Variants in CACNA1C observed in about 807,000 individuals in gnomAD.
CACNA1C encodes the protein calcium voltage-gated channel subunit alpha1 C.
In CACNA1C, 30 loss-of-function variants were observed where a neutral mutation model predicts 229.0. That is an observed-to-expected ratio of 0.13 (90% CI 0.10 to 0.18). The LOEUF (loss-of-function observed/expected upper bound fraction) is 0.18. Ranked by LOEUF, CACNA1C falls within the 10% of genes least tolerant of loss-of-function variation. The pLI is 1.00. For missense variants in CACNA1C, 1,658 were observed against 2,845.0 expected, an observed-to-expected ratio of 0.58 and a Z score of 9.49; for synonymous variants, 1,114 against 1,132.5, an observed-to-expected ratio of 0.98 and a Z score of 0.33.
chr12:2,654,021 C>G lies in CACNA1C; in HGVS notation c.4140+121C>G. 1.3e-6 allele frequency: 1 copy of G among 770,792 alleles called. No homozygotes were observed. 47.7% of individuals were successfully genotyped at this position (770,792 alleles called of 1,614,324 possible). A position where few individuals can be genotyped will look rare whatever the true frequency, so the allele number is the denominator to read the frequency against. On this transcript the variant is annotated intron_variant, in intron 33 of 46. Coordinates refer to ENST00000399655, the MANE Select transcript of CACNA1C (RefSeq NM_000719.7). This position sits in a 1 kb window ranked among gnomAD's most constrained non-coding sequence, Gnocchi z 4.4. ...CCCTTTCATTCCTGACTGTCCCTCT[C>G]CCTCCTCTTCCATTTTCTGAGGCCC... is the stretch of plus-strand genomic sequence containing the variant.
Position 2,079,637 on chromosome 12 carries a change from A to G in CACNA1C, c.49+26026A>G, listed in dbSNP as rs563226700. 2.0e-5 allele frequency among the ~76,000 whole-genome samples: 3 copies of G among 152,270 alleles called. No homozygotes were observed. In the South Asian group the frequency reaches 6.2e-4, roughly 32 times the overall value. On this transcript the variant is annotated intron_variant, in intron 1 of 46. Coordinates refer to ENST00000399655, the MANE Select transcript of CACNA1C (RefSeq NM_000719.7). ...GGGAGTCCAGTGCTTCAACATATAA[A>G]TTTTGGGGAGACACAAACATTTAGT...
At chr12:2,593,110 A>G in intron 18 of CACNA1C, 103 bp from the exon 19 acceptor site, 1 of 1,328,972 alleles carries the variant, frequency 7.5e-7, no homozygotes, top group Non-Finnish European at 1.0e-6. Context: ...GGTACCCTAC[A>G]TTTTCAGAGC....
At chr12:1,982,181 T>G (rs1374367557) in intron 1 of CACNA1C, among the ~76,000 whole-genome samples, 1 of 152,230 alleles carries the variant, frequency 6.6e-6, no homozygotes, top group Non-Finnish European at 1.5e-5. Flanking sequence ...TATGAATTGC[T>G]GGATTCAATT....
chr12:2,101,214 C>T (rs2076297304), intron 1 of CACNA1C, among the ~76,000 whole-genome samples: 1 of 152,118 alleles, frequency 6.6e-6, no homozygotes, highest in South Asian at 2.1e-4. Context: ...TCTAGGTTGT[C>T]TTCAATTTGG....
rs2048778569 is a variant in CACNA1C, at chr12:2,034,615, T to C, written c.139+63414T>C. On this transcript the variant is annotated intron_variant, in intron 1 of 46. Transcript: ENST00000682462. The surrounding 1 kb of genome is among the most constrained non-coding windows in gnomAD (Gnocchi z 4.1). ...GCACACAGCTCAAAGAGAAGGCCAG[T>C]GTAATATGCTGGTTCAATATCCGAC... 6.6e-6 allele frequency among the ~76,000 whole-genome samples: 1 copy of C among 152,152 alleles called. No individual in the cohort carries two copies. Among genetic ancestry groups the C allele is most frequent in the Non-Finnish European group, 1.5e-5 (1 of 68,028 alleles).
intron 29 of CACNA1C, among the ~76,000 whole-genome samples, chr12:2,615,485 T>C (rs1171872133): frequency 2.0e-5 from 3 of 152,204 alleles, no homozygotes; most frequent in African/African-American, 7.2e-5. Context: ...ATTGGAAAGC[T>C]CAATATTATT....
intron 5 of CACNA1C, among the ~76,000 whole-genome samples, chr12:2,463,589 A>G (rs1000463738): frequency 6.6e-6 from 1 of 152,224 alleles, no homozygotes; most frequent in African/African-American, 2.4e-5. Flanking sequence ...GAGAATCAGG[A>G]GAGCCTTCTT....
chr12:2,572,938 CCTCCTT>C (rs1238572145), intron 13 of CACNA1C, among the ~76,000 whole-genome samples: 10 of 118,184 alleles, frequency 8.5e-5, no homozygotes, highest in African/African-American at 1.3e-4. Context: ...CTCCTCTCCT[CCTCCTT>C]CTCCTCTTCC....
intron 3 of CACNA1C, among the ~76,000 whole-genome samples, chr12:2,415,633 C>T (rs1190209216): frequency 6.6e-6 from 1 of 152,142 alleles, no homozygotes; most frequent in African/African-American, 2.4e-5. Context: ...CAAGCAGAGG[C>T]CCTGGGGAGG....
intron 3 of CACNA1C, among the ~76,000 whole-genome samples, chr12:2,380,370 G>A (rs931315910): frequency 1.3e-5 from 2 of 152,166 alleles, no homozygotes; most frequent in Admixed American, 6.5e-5. Context: ...TGCAATTGAG[G>A]TGACTAAAAA....
intron 4 of CACNA1C, among the ~76,000 whole-genome samples, chr12:2,449,814 A>G (rs1420301785): frequency 6.6e-6 from 1 of 152,184 alleles, no homozygotes. Flanking sequence ...TCCCTGCTGT[A>G]TCACTGAGCA....
intron 3 of CACNA1C, among the ~76,000 whole-genome samples, chr12:2,413,517 G>GTCA (rs2098831709): frequency 2.6e-5 from 4 of 150,984 alleles, no homozygotes; most frequent in Non-Finnish European, 5.9e-5. Context: ...GACCAGACAT[G>GTCA]TGTCAACAGA....
intron 3 of CACNA1C, among the ~76,000 whole-genome samples, chr12:2,269,525 G>A (rs2083889099): frequency 6.6e-6 from 1 of 152,174 alleles, no homozygotes; most frequent in African/African-American, 2.4e-5. Flanking sequence ...TGAAAAACGA[G>A]AATGGTGATT....
chr12:2,550,578 C>T (rs1241889978), intron 10 of CACNA1C: 1 of 1,351,780 alleles, frequency 7.4e-7, no homozygotes, highest in Non-Finnish European at 9.8e-7. Context: ...GCCTGCTGTT[C>T]TGTTGCCTTG....
chr12:1,982,507 A>C (rs555660586), intron 1 of CACNA1C, among the ~76,000 whole-genome samples: 6 of 151,126 alleles, frequency 4.0e-5, no homozygotes, highest in Non-Finnish European at 7.4e-5. Context: ...AACTTAGCAT[A>C]ATGTCTTCAA....
chr12:2,691,174 G>T lies in CACNA1C; in HGVS notation c.6392G>T (p.Ser2131Ile), dbSNP rs779259936. Residue 2131 changes from serine to isoleucine, a missense_variant, in exon 47 of 47, where the codon AGC (serine) becomes ATC (isoleucine). Physicochemically the swap from Ser to Ile is moderately radical, Grantham distance 142 (BLOSUM62 -2). Around this residue, in one of 20 missense-constraint regions of CACNA1C, gnomAD observed 590 missense variants for 700.8 expected, o/e 0.84. Transcript: ENST00000399655. ...GRPSEEELQD[S>I]RVYVSSL ...CCGAGTGAGGAGGAGCTCCAGGACA[G>T]CAGGGTCTACGTCAGCAGCCTGTAG... 1 of 1,594,954 alleles carries T rather than the reference G, an allele frequency of 6.3e-7. No individual in the cohort carries two copies. The highest frequency in any genetic ancestry group is 1.7e-5 in the Admixed American group (1 of 58,488).
intron 30 of CACNA1C, among the ~76,000 whole-genome samples, chr12:2,642,100 AG>A (rs1315062757): frequency 6.6e-6 from 1 of 152,182 alleles, no homozygotes; most frequent in Admixed American, 6.5e-5. Context: ...AGTACCCTGC[AG>A]GTTTGACCCG....
intron 3 of CACNA1C, among the ~76,000 whole-genome samples, chr12:2,356,351 A>G (rs1391634765): frequency 2.0e-5 from 3 of 152,230 alleles, no homozygotes; most frequent in African/African-American, 4.8e-5. Flanking sequence ...CACTGCCCCA[A>G]CTGTCTGTTG....
chr12:2,490,908 TCACA>T (rs2099723451), intron 6 of CACNA1C, among the ~76,000 whole-genome samples: 1 of 152,146 alleles, frequency 6.6e-6, no homozygotes, highest in Non-Finnish European at 1.5e-5. Context: ...AACACAGGAC[TCACA>T]CACAACTTTA....
Sources: allele counts gnomAD v4.1 joint callset (sites outside exome capture counted in the v4.1 genomes callset), GRCh38; gene constraint gnomAD v4.1.1; regional missense constraint gnomAD v4.1.1; non-coding constraint Gnocchi (gnomAD v3.1); transcripts MANE v1.5; gene names NCBI Gene and HGNC (gene_info 2026-07-23, HGNC 2026-07-21).